The following SLC24A3 variants were observed in gnomAD, a reference collection of about 807,000 sequenced individuals.
SLC24A3 encodes the protein solute carrier family 24 member 3, also known as sodium/potassium/calcium exchanger 3.
A neutral mutation model predicts 75.8 loss-of-function variants in SLC24A3; 28 were observed. The ratio of observed to expected loss-of-function variants is 0.37; its 90% CI spans 0.27 to 0.51. SLC24A3 has a LOEUF of 0.51. Among genes scored for constraint, SLC24A3 ranks in the 20% least tolerant of loss-of-function variants. The probability of loss-of-function intolerance (pLI) is 0.94; values close to 1 mark genes in which losing one functional copy is unlikely to be tolerated. For synonymous variants in SLC24A3, 372 were observed against 334.1 expected (o/e 1.11, Z -1.24); for missense variants, 663 against 847.8 (o/e 0.78, Z 2.71).
intron 2 of SLC24A3, among the ~76,000 whole-genome samples, chr20:19,410,561 C>A (rs192589283): frequency 6.6e-6 from 1 of 151,974 alleles, no homozygotes; most frequent in East Asian, 1.9e-4. Context: ...GGAGGAAATA[C>A]GCCTCTTCAT....
chr20:19,502,868 CAAA>C (rs368651686), intron 2 of SLC24A3, among the ~76,000 whole-genome samples: 17 of 72,206 alleles, frequency 2.4e-4, no homozygotes, highest in African/African-American at 8.2e-4. Flanking sequence ...CTGTCTCTAC[CAAA>C]AAAAAAAAAA....
chr20:19,646,101 T>C (rs563436017), intron 6 of SLC24A3, among the ~76,000 whole-genome samples: 2 of 152,272 alleles, frequency 1.3e-5, no homozygotes, highest in South Asian at 2.1e-4. Context: ...ATAAGATAAA[T>C]AGGCAACATA....
At position 19,446,507 on chromosome 20, in the gene SLC24A3, G is replaced by T. The variant is rs904639695; in HGVS notation, c.272-68981G>T. On this transcript the variant is annotated intron_variant, in intron 2 of 16. Transcript: ENST00000328041. The stretch of plus-strand genomic sequence containing the variant: ...TTTGGACTTTTTAATGGAAGCAAGC[G>T]TTCGGGGAAATTGTTCTGTAAAGGA... Among the ~76,000 whole-genome samples the T allele has an allele frequency of 5.9e-5, 9 of 152,324 alleles. No homozygotes were observed. The East Asian group carries it at 1.7e-3, about 29-fold the overall frequency.
intron 2 of SLC24A3, among the ~76,000 whole-genome samples, chr20:19,348,238 A>G (rs915665277): frequency 1.3e-5 from 2 of 152,208 alleles, no homozygotes; most frequent in African/African-American, 2.4e-5. Flanking sequence ...GGCGTTTCAC[A>G]CTTCAGATAG....
intron 14 of SLC24A3, chr20:19,697,417 T>C (rs538749670): frequency 1.1e-4 from 17 of 155,412 alleles, no homozygotes; most frequent in African/African-American, 4.1e-4. Flanking sequence ...ACCCCCATTT[T>C]ATGGACAAGA....
At chr20:19,612,501 A>G (rs1204621382) in intron 6 of SLC24A3, among the ~76,000 whole-genome samples, 1 of 152,222 alleles carries the variant, frequency 6.6e-6, no homozygotes, top group Non-Finnish European at 1.5e-5. Context: ...CATTGTATAC[A>G]TGTATCAAAT....
At chr20:19,633,826 C>T (rs1166679922) in intron 6 of SLC24A3, among the ~76,000 whole-genome samples, 2 of 151,942 alleles carry the variant, frequency 1.3e-5, no homozygotes, top group East Asian at 1.9e-4. Context: ...CACAATTCCC[C>T]CCATAACAAG....
At position 19,538,360 on chromosome 20, in the gene SLC24A3, T is replaced by C. The variant is rs373499342; in HGVS notation, c.348+22796T>C. Among the ~76,000 whole-genome samples the C allele has an allele frequency of 1.4e-3, 206 of 152,276 alleles. 7 individuals are homozygous for C. In the South Asian group the frequency reaches 0.04, roughly 29 times the overall value. Reference sequence around the variant, plus strand: ...CAAGAGACTTAACTATAGATAGAGATAGAGACATCCAATAAAGGATGTGTA... The same window carrying C: ...CAAGAGACTTAACTATAGATAGAGACAGAGACATCCAATAAAGGATGTGTA... On this transcript the variant is annotated intron_variant, in intron 3 of 16. Coordinates refer to ENST00000328041, the MANE Select transcript of SLC24A3 (RefSeq NM_020689.4).
intron 7 of SLC24A3, among the ~76,000 whole-genome samples, chr20:19,662,242 G>A (rs1310460365): frequency 6.6e-6 from 1 of 152,188 alleles, no homozygotes; most frequent in Non-Finnish European, 1.5e-5. Context: ...AGGGCACAGA[G>A]AGAAGAACGC....
intron 15 of SLC24A3, among the ~76,000 whole-genome samples, chr20:19,707,118 C>T (rs375458302): frequency 8.5e-5 from 13 of 152,274 alleles, no homozygotes; most frequent in South Asian, 2.1e-4. Flanking sequence ...CACAAGAAGA[C>T]GCACCCAGCT....
intron 6 of SLC24A3, among the ~76,000 whole-genome samples, chr20:19,630,705 G>A (rs1820199711): frequency 6.6e-6 from 1 of 152,106 alleles, no homozygotes; most frequent in East Asian, 1.9e-4. Flanking sequence ...TATTTTCATA[G>A]CTCTGACATA....
chr20:19,523,467 A>C (rs1238748227), intron 3 of SLC24A3, among the ~76,000 whole-genome samples: 1 of 152,256 alleles, frequency 6.6e-6, no homozygotes, highest in South Asian at 2.1e-4. Context: ...AGAGTAAATT[A>C]TGTTTCCATA....
intron 6 of SLC24A3, among the ~76,000 whole-genome samples, chr20:19,618,358 C>A (rs1380439550): frequency 6.6e-6 from 1 of 152,228 alleles, no homozygotes; most frequent in African/African-American, 2.4e-5. Flanking sequence ...TGTCTTCTGG[C>A]TTTGCCTCCT....
chr20:19,234,632 T>A (rs1982112608), intron 1 of SLC24A3, among the ~76,000 whole-genome samples: 1 of 152,176 alleles, frequency 6.6e-6, no homozygotes, highest in African/African-American at 2.4e-5. Flanking sequence ...GAGTCTCCCA[T>A]GGATGGTGGC....
intron 1 of SLC24A3, among the ~76,000 whole-genome samples, chr20:19,270,297 GC>G (rs1229423041): frequency 2.0e-5 from 3 of 152,050 alleles, no homozygotes; most frequent in African/African-American, 7.2e-5. Flanking sequence ...GAATCTCGGT[GC>G]CCACCCCAGA....
intron 6 of SLC24A3, among the ~76,000 whole-genome samples, chr20:19,588,265 A>G (rs1474840129): frequency 1.3e-5 from 2 of 152,342 alleles, no homozygotes; most frequent in Non-Finnish European, 2.9e-5. Context: ...GAAGCGATTA[A>G]TAAATCCAAT....
chr20:19,452,136 C>T (rs1987493607), intron 2 of SLC24A3, among the ~76,000 whole-genome samples: 1 of 152,120 alleles, frequency 6.6e-6, no homozygotes, highest in Admixed American at 6.5e-5. Context: ...AGGCTTATCC[C>T]ACAAGTGCAG....
chr20:19,409,277 C>T (rs1001409530), intron 2 of SLC24A3, among the ~76,000 whole-genome samples: 21 of 152,120 alleles, frequency 1.4e-4, no homozygotes, highest in African/African-American at 5.1e-4. Context: ...TGCAGGGGAC[C>T]TCTGTGCATG....
intron 3 of SLC24A3, among the ~76,000 whole-genome samples, chr20:19,521,268 G>T (rs1332545618): frequency 6.6e-6 from 1 of 151,656 alleles, no homozygotes; most frequent in Non-Finnish European, 1.5e-5. Flanking sequence ...CCCGGCACTG[G>T]TCAGTTTCCT....
Sources: gnomAD v4.1 joint callset for allele counts (sites outside exome capture counted in the v4.1 genomes callset) on GRCh38, gnomAD v4.1.1 for gene constraint, MANE v1.5 for transcripts, NCBI Gene and HGNC (gene_info 2026-07-23, HGNC 2026-07-21) for gene names.